FGF12: variants seen among roughly 807,000 people sequenced by gnomAD.
FGF12 encodes fibroblast growth factor 12B.
In FGF12, 14 loss-of-function variants were observed where a neutral mutation model predicts 23.6. The ratio of observed to expected loss-of-function variants is 0.59; its 90% CI spans 0.39 to 0.93. FGF12 has a LOEUF of 0.93. FGF12 is among the 40% of genes least tolerant of loss of function. The probability of loss-of-function intolerance (pLI) is 0.00; values close to 1 mark genes in which losing one functional copy is unlikely to be tolerated. For missense variants in FGF12, 175 were observed against 217.8 expected, an observed-to-expected ratio of 0.80 and a Z score of 1.24; for synonymous variants, 62 against 77.3, an observed-to-expected ratio of 0.80 and a Z score of 1.04.
chr3:192,607,549 A>G (rs543112455), intron 2 of FGF12, among the ~76,000 whole-genome samples: 5 of 152,280 alleles, frequency 3.3e-5, no homozygotes, highest in Admixed American at 6.5e-5. Context: ...TATGATGTCA[A>G]TGCCATTACA....
chr3:192,287,603 C>T (rs1714525784), intron 4 of FGF12, among the ~76,000 whole-genome samples: 1 of 151,984 alleles, frequency 6.6e-6, no homozygotes, highest in Non-Finnish European at 1.5e-5. Context: ...CCAAAGTAGA[C>T]TGGGGTCCTT....
intron 2 of FGF12, among the ~76,000 whole-genome samples, chr3:192,427,296 G>A (rs1395332621): frequency 2.0e-5 from 3 of 151,674 alleles, no homozygotes; most frequent in East Asian, 1.9e-4. Context: ...CAAGAGAATC[G>A]CTTGAACCCA....
At chr3:192,301,161 A>G (rs1577333438) in intron 4 of FGF12, among the ~76,000 whole-genome samples, 1 of 152,018 alleles carries the variant, frequency 6.6e-6, no homozygotes, top group East Asian at 1.9e-4. Flanking sequence ...ATTACTGTGA[A>G]AAAAAAAGGG....
At chr3:192,406,997 A>G (rs1268324421) in intron 2 of FGF12, among the ~76,000 whole-genome samples, 2 of 152,218 alleles carry the variant, frequency 1.3e-5, no homozygotes, top group Non-Finnish European at 2.9e-5. Flanking sequence ...GCAGAATGCA[A>G]ATGGCTCTGC....
chr3:192,329,763 T>G (rs1317193114), intron 4 of FGF12, among the ~76,000 whole-genome samples: 1 of 152,168 alleles, frequency 6.6e-6, no homozygotes, highest in Non-Finnish European at 1.5e-5. Flanking sequence ...ACATTTTAAA[T>G]CAAAACTGGT....
chr3:192,554,874 G>A (rs142468977), intron 2 of FGF12, among the ~76,000 whole-genome samples: 2 of 151,822 alleles, frequency 1.3e-5, no homozygotes, highest in African/African-American at 4.8e-5. Context: ...TGGAATGAAA[G>A]AATACAATAA....
intron 2 of FGF12, among the ~76,000 whole-genome samples, chr3:192,571,746 C>T (rs976750470): frequency 6.6e-6 from 1 of 152,186 alleles, no homozygotes; most frequent in Non-Finnish European, 1.5e-5. Context: ...CGAGCAACTT[C>T]CGAGCAGCTG....
At chr3:192,219,109 G>A (rs543788136) in intron 4 of FGF12, among the ~76,000 whole-genome samples, 288 of 151,886 alleles carry the variant, frequency 1.9e-3, no homozygotes, top group Non-Finnish European at 3.4e-3. Context: ...AATTGAGATG[G>A]AGTCTTGCTC....
chr3:192,550,979 G>C (rs1464833012), intron 2 of FGF12, among the ~76,000 whole-genome samples: 3 of 152,102 alleles, frequency 2.0e-5, no homozygotes, highest in Non-Finnish European at 4.4e-5. Context: ...AGGAACCCTA[G>C]GAATAGATTG....
intron 4 of FGF12, among the ~76,000 whole-genome samples, chr3:192,323,788 C>T (rs542980361): frequency 6.6e-6 from 1 of 152,162 alleles, no homozygotes; most frequent in East Asian, 1.9e-4. Flanking sequence ...CATTATATGC[C>T]TGTACTAAAA....
intron 2 of FGF12, among the ~76,000 whole-genome samples, chr3:192,369,879 C>G (rs776325456): frequency 2.0e-5 from 3 of 152,134 alleles, no homozygotes; most frequent in Admixed American, 1.3e-4. Flanking sequence ...CACGGAATCA[C>G]AGAATGGGGA....
chr3:192,321,886 T>A (rs2108682701), intron 4 of FGF12, among the ~76,000 whole-genome samples: 1 of 152,090 alleles, frequency 6.6e-6, no homozygotes, highest in African/African-American at 2.4e-5. Context: ...AAGCAGAAAG[T>A]CTTTCTCTAA....
intron 2 of FGF12, among the ~76,000 whole-genome samples, chr3:192,666,070 G>T (rs541080525): frequency 6.6e-6 from 1 of 152,082 alleles, no homozygotes; most frequent in Admixed American, 6.6e-5. Flanking sequence ...AAGAGAGAAA[G>T]ATTTTTGGAA....
chr3:192,315,594 G>GA (rs1577346401), intron 4 of FGF12, among the ~76,000 whole-genome samples: 2 of 152,000 alleles, frequency 1.3e-5, no homozygotes, highest in Non-Finnish European at 2.9e-5. Flanking sequence ...ATCCTAGGGG[G>GA]AAAAAATAAG....
intron 4 of FGF12, among the ~76,000 whole-genome samples, chr3:192,181,549 G>A (rs1434557174): frequency 1.3e-5 from 2 of 151,540 alleles, no homozygotes; most frequent in East Asian, 1.9e-4. Context: ...CAAGCAGCAC[G>A]ATGTAACTCA....
At chr3:192,288,327 A>G (rs1714570762) in intron 4 of FGF12, among the ~76,000 whole-genome samples, 1 of 152,114 alleles carries the variant, frequency 6.6e-6, no homozygotes, top group Non-Finnish European at 1.5e-5. Flanking sequence ...AAGAAATACT[A>G]TCAAAGCTGA....
In FGF12 at chr3:192,586,601, A is replaced by G. The variant is rs1308681436; in HGVS notation, c.13+140580T>C. Among the ~76,000 whole-genome samples the G allele has an allele frequency of 2.0e-5, 3 of 152,194 alleles. No homozygotes were observed. In the East Asian group the frequency reaches 5.8e-4, roughly 29 times the overall value. On this transcript the variant is annotated intron_variant, in intron 2 of 5. Transcript: ENST00000445105. The stretch of plus-strand genomic sequence containing the variant: ...TCCAGAAAGAGCTTAATTGCCTCTG[A>G]CACAGTCTATGTTGCAATATAACTT...
chr3:192,233,542 T>A (rs1195051494), intron 4 of FGF12, among the ~76,000 whole-genome samples: 1 of 152,228 alleles, frequency 6.6e-6, no homozygotes, highest in Non-Finnish European at 1.5e-5. Flanking sequence ...CAGAAGATCT[T>A]TAGTTTAATT....
intron 2 of FGF12, among the ~76,000 whole-genome samples, chr3:192,478,963 C>G (rs1328030701): frequency 6.6e-6 from 1 of 152,148 alleles, no homozygotes; most frequent in Admixed American, 6.6e-5. Context: ...GCAGAACAGA[C>G]ATCACTAAGG....
Sources: gnomAD v4.1 joint callset for allele counts (sites outside exome capture counted in the v4.1 genomes callset) on GRCh38, gnomAD v4.1.1 for gene constraint, MANE v1.5 for transcripts, NCBI Gene and HGNC (gene_info 2026-07-23, HGNC 2026-07-21) for gene names.